The following NSMCE2 variants were observed in gnomAD, a reference collection of about 807,000 sequenced individuals.
The protein encoded by NSMCE2 is NSE2 SUMO ligase component of SMC5/6 complex, also known as E3 SUMO-protein ligase NSE2.
NSMCE2 carries 24 observed loss-of-function variants against 23.8 expected under a neutral mutation model. That is an observed-to-expected ratio of 1.01 (90% CI 0.73 to 1.42). The LOEUF is 1.42. NSMCE2 is among the 40% of genes most tolerant of loss of function. The probability of loss-of-function intolerance (pLI) is 0.00; values close to 1 mark genes in which losing one functional copy is unlikely to be tolerated. For synonymous variants in NSMCE2, 92 were observed against 94.1 expected, an observed-to-expected ratio of 0.98 and a Z score of 0.13; for missense variants, 284 against 296.5, an observed-to-expected ratio of 0.96 and a Z score of 0.31.
At chr8:125,144,943 A>G (rs1056671454) in intron 3 of NSMCE2, among the ~76,000 whole-genome samples, 3 of 152,194 alleles carry the variant, frequency 2.0e-5, no homozygotes, top group Admixed American at 1.3e-4. Context: ...GTAACAGATG[A>G]CATGTCTAAT....
intron 3 of NSMCE2, among the ~76,000 whole-genome samples, chr8:125,116,198 A>G (rs570205902): frequency 1.4e-4 from 21 of 152,296 alleles, no homozygotes; most frequent in East Asian, 5.8e-4. Flanking sequence ...TATGAATTCT[A>G]TTTTACAAAT....
At chr8:125,100,566 A>G (rs1038496834) in intron 1 of NSMCE2, among the ~76,000 whole-genome samples, 1 of 151,452 alleles carries the variant, frequency 6.6e-6, no homozygotes, top group African/African-American at 2.4e-5. Context: ...AATTTTTTTT[A>G]TTTTTATTTT....
At chr8:125,267,801 T>A (rs754591959) in intron 5 of NSMCE2, among the ~76,000 whole-genome samples, 110 of 152,142 alleles carry the variant, frequency 7.2e-4, no homozygotes, top group Non-Finnish European at 1.4e-3. Flanking sequence ...GTACTTTATC[T>A]AATAGGTCAT....
intron 5 of NSMCE2, among the ~76,000 whole-genome samples, chr8:125,308,148 C>T (rs1394730348): frequency 6.6e-6 from 1 of 152,202 alleles, no homozygotes; most frequent in African/African-American, 2.4e-5. Flanking sequence ...TTTATATAAC[C>T]TTCTCTTAGA....
intron 5 of NSMCE2, among the ~76,000 whole-genome samples, chr8:125,315,028 A>C (rs1829124500): frequency 6.6e-6 from 1 of 152,232 alleles, no homozygotes. Context: ...ATTAGGCACA[A>C]AGAATCACAT....
intron 1 of NSMCE2, among the ~76,000 whole-genome samples, chr8:125,101,395 A>G (rs546545748): frequency 1.3e-5 from 2 of 152,348 alleles, no homozygotes; most frequent in South Asian, 4.1e-4. Flanking sequence ...ATGCTATACC[A>G]TACCATGGTT....
chr8:125,215,199 AC>A (rs1824523541), intron 5 of NSMCE2, among the ~76,000 whole-genome samples: 1 of 71,508 alleles, frequency 1.4e-5, no homozygotes, highest in Admixed American at 1.9e-4. Context: ...CCCTCCCCCT[AC>A]CCCACAACAG....
At chr8:125,352,888 G>C (rs1211281651) in intron 5 of NSMCE2, among the ~76,000 whole-genome samples, 1 of 152,196 alleles carries the variant, frequency 6.6e-6, no homozygotes, top group African/African-American at 2.4e-5. Flanking sequence ...GAAATGTTCT[G>C]TCTCTAGGGA....
At chr8:125,344,207 T>C (rs2385094) in intron 5 of NSMCE2, among the ~76,000 whole-genome samples, 18,723 of 152,228 alleles carry the variant, frequency 0.12, 1,366 homozygotes, top group South Asian at 0.33. Context: ...ATTTGACTAA[T>C]TGAATAAACA....
At chr8:125,318,550 G>A (rs573260835) in intron 5 of NSMCE2, among the ~76,000 whole-genome samples, 1 of 152,282 alleles carries the variant, frequency 6.6e-6, no homozygotes, top group African/African-American at 2.4e-5. Flanking sequence ...CCAAAAGTAT[G>A]TATACAGTGA....
chr8:125,177,103 T>G (rs1471769268), intron 4 of NSMCE2, among the ~76,000 whole-genome samples: 2 of 152,196 alleles, frequency 1.3e-5, no homozygotes, highest in African/African-American at 4.8e-5. Flanking sequence ...CTTTATCACC[T>G]CCTCCTCTAC....
intron 5 of NSMCE2, among the ~76,000 whole-genome samples, chr8:125,313,200 G>GAGAA (rs148902901): frequency 2.8e-5 from 4 of 144,000 alleles, no homozygotes; most frequent in South Asian, 2.2e-4. Flanking sequence ...GAAAGAGAGA[G>GAGAA]AGAAAGAAAG....
chr8:125,167,432 T>C (rs939313938), intron 4 of NSMCE2, among the ~76,000 whole-genome samples: 5 of 152,086 alleles, frequency 3.3e-5, no homozygotes, highest in African/African-American at 7.2e-5. Context: ...TTTGGGAGGC[T>C]GAGGCGGGCG....
chr8:125,356,464 G>A (rs1164890858), intron 5 of NSMCE2, among the ~76,000 whole-genome samples: 1 of 151,728 alleles, frequency 6.6e-6, no homozygotes, highest in Non-Finnish European at 1.5e-5. Context: ...AAATAGCTGG[G>A]ACTACAGGCA....
chr8:125,318,095 T>C (rs1829278863), intron 5 of NSMCE2, among the ~76,000 whole-genome samples: 1 of 152,128 alleles, frequency 6.6e-6, no homozygotes, highest in African/African-American at 2.4e-5. Context: ...TATAAGATGT[T>C]TAACTTTACA....
Position 125,357,834 on chromosome 8 carries a change from G to A in NSMCE2, c.626+16G>A, listed in dbSNP as rs1465351236. On this transcript the variant is annotated intron_variant, in intron 7 of 7. Transcript: ENST00000287437. ...AAAAGGCCTAGTGAGTGGACGCAGGGAAGGAAGTGGAGCCTTCCCTAGTGG... is the reference window on the plus strand; with the variant it reads ...AAAAGGCCTAGTGAGTGGACGCAGGAAAGGAAGTGGAGCCTTCCCTAGTGG... 1.3e-6 allele frequency: 2 copies of A among 1,562,770 alleles called. No individual in the cohort carries two copies. Among genetic ancestry groups the A allele is most frequent in the East Asian group, 2.2e-5 (1 of 44,654 alleles).
At chr8:125,115,638 C>T (rs2130457578) in intron 3 of NSMCE2, among the ~76,000 whole-genome samples, 1 of 152,132 alleles carries the variant, frequency 6.6e-6, no homozygotes, top group East Asian at 1.9e-4. Context: ...GTAATCCCAG[C>T]TACTTGGGAG....
chr8:125,299,443 A>T (rs1266591888), intron 5 of NSMCE2, among the ~76,000 whole-genome samples: 1 of 152,180 alleles, frequency 6.6e-6, no homozygotes, highest in Non-Finnish European at 1.5e-5. Context: ...TGGCAACAGG[A>T]GAGAGAGCGA....
rs939288444 is a variant in NSMCE2 at position 125,161,377 on chromosome 8, A to T, written c.264+10100A>T. Among the ~76,000 whole-genome samples the T allele has an allele frequency of 2.6e-5, 4 of 152,324 alleles. No homozygotes were observed. The East Asian group carries it at 7.7e-4, about 29-fold the overall frequency. ...TATTTATCTTGGGTTAGAGTAATGCAGTCAGTTATGAATAGTTTTAAATTT... is the reference window on the plus strand; with the variant it reads ...TATTTATCTTGGGTTAGAGTAATGCTGTCAGTTATGAATAGTTTTAAATTT... On this transcript the variant is annotated intron_variant, in intron 4 of 7. Transcript: ENST00000287437.
Sources: gnomAD v4.1 joint callset for allele counts (sites outside exome capture counted in the v4.1 genomes callset) on GRCh38, gnomAD v4.1.1 for gene constraint, MANE v1.5 for transcripts, NCBI Gene and HGNC (gene_info 2026-07-23, HGNC 2026-07-21) for gene names.